Variants in RTL4 observed in about 807,000 individuals in gnomAD.
The protein encoded by RTL4 is retrotransposon Gag like 4.
A neutral mutation model predicts 5.3 loss-of-function variants in RTL4; 4 were observed. The ratio of observed to expected loss-of-function variants is 0.75; its 90% CI spans 0.37 to 1.72. The LOEUF (loss-of-function observed/expected upper bound fraction) is 1.72, where lower values mean the gene tolerates loss of function less well. Ranked by LOEUF, RTL4 falls within the 40% of genes most tolerant of loss-of-function variation. RTL4 has a pLI of 0.04. For synonymous variants in RTL4, 98 were observed against 87.3 expected, an observed-to-expected ratio of 1.12 and a Z score of -0.68; for missense variants, 260 against 227.1, an observed-to-expected ratio of 1.14 and a Z score of -0.93.
At chrX:112,177,820 A>G in the RTL4 span, among the ~76,000 whole-genome samples, 2 of 111,423 alleles carry the variant, frequency 1.8e-5, no homozygotes, top group East Asian at 5.6e-4. Flanking sequence ...CTATTTCCAC[A>G]AAGAGCCAGA....
chrX:112,383,448 A>T, the RTL4 span, among the ~76,000 whole-genome samples: 1 of 112,338 alleles, frequency 8.9e-6, no homozygotes, highest in East Asian at 2.8e-4. Flanking sequence ...ATTGGATTTA[A>T]AAAGGATTCT....
At chrX:112,124,633 A>G in the RTL4 span, among the ~76,000 whole-genome samples, 2 of 104,153 alleles carry the variant, frequency 1.9e-5, no homozygotes, top group Non-Finnish European at 3.9e-5. Context: ...ATGAGAACAC[A>G]TGGACACAGG....
At chrX:112,300,227 C>G in the RTL4 span, among the ~76,000 whole-genome samples, 4 of 111,705 alleles carry the variant, frequency 3.6e-5, no homozygotes, top group Non-Finnish European at 5.6e-5. Context: ...CACTTACATT[C>G]TACATTAAGC....
At chrX:112,114,260 C>T in the RTL4 span, among the ~76,000 whole-genome samples, 197 of 111,566 alleles carry the variant, frequency 1.8e-3, 1 homozygote, top group African/African-American at 5.8e-3. Context: ...ACTCCAGTCC[C>T]CATGATCTGA....
the RTL4 span, among the ~76,000 whole-genome samples, chrX:112,236,442 T>TAAAATA: frequency 3.8e-5 from 3 of 79,368 alleles, no homozygotes; most frequent in Admixed American, 1.4e-4. Context: ...TAGATCTATA[T>TAAAATA]CTATATATAG....
the RTL4 span, among the ~76,000 whole-genome samples, chrX:112,184,474 A>G: frequency 8.9e-6 from 1 of 112,602 alleles, no homozygotes; most frequent in Non-Finnish European, 1.9e-5. Flanking sequence ...AAGTACAAAG[A>G]TTTTAATCCA....
chrX:112,293,001 C>T, the RTL4 span, among the ~76,000 whole-genome samples: 18 of 111,923 alleles, frequency 1.6e-4, no homozygotes, highest in Non-Finnish European at 5.6e-5. Flanking sequence ...CTTCTGAAAG[C>T]TTCCATCCAA....
chrX:112,405,979 T>C, the RTL4 span, among the ~76,000 whole-genome samples: 1 of 110,667 alleles, frequency 9.0e-6, no homozygotes, highest in South Asian at 4.0e-4. Context: ...TATCGCAGAA[T>C]GAAAAACCAT....
chrX:112,282,153 A>G, the RTL4 span, among the ~76,000 whole-genome samples: 3 of 111,881 alleles, frequency 2.7e-5, no homozygotes, highest in Admixed American at 9.5e-5. Flanking sequence ...TTTTGACTTG[A>G]TTTTGTAGAT....
the RTL4 span, among the ~76,000 whole-genome samples, chrX:112,134,459 C>T: frequency 1.8e-5 from 2 of 112,367 alleles, no homozygotes; most frequent in African/African-American, 6.5e-5. Flanking sequence ...ATCATTCTTA[C>T]ACTCACTGGA....
At chrX:112,385,841 T>C in the RTL4 span, among the ~76,000 whole-genome samples, 7 of 112,118 alleles carry the variant, frequency 6.2e-5, no homozygotes, top group East Asian at 2.8e-4. Flanking sequence ...AATTTAAACA[T>C]TCCTTTTAAG....
the RTL4 span, among the ~76,000 whole-genome samples, chrX:112,321,741 G>A: frequency 9.8e-3 from 1,093 of 111,315 alleles, 12 homozygotes; most frequent in African/African-American, 0.033. Context: ...TGGAGAGATT[G>A]GTAAATTGCC....
At chrX:112,406,555 G>A in the RTL4 span, among the ~76,000 whole-genome samples, 1 of 111,036 alleles carries the variant, frequency 9.0e-6, no homozygotes, top group Admixed American at 9.5e-5. Flanking sequence ...CTCCCACCAT[G>A]CCCCCCCTCC....
chrX:112,184,753 C>T, the RTL4 span, among the ~76,000 whole-genome samples: 1 of 111,913 alleles, frequency 8.9e-6, no homozygotes, highest in Non-Finnish European at 1.9e-5. Context: ...AAGAATTCGT[C>T]AGAGATCTTG....
the RTL4 span, among the ~76,000 whole-genome samples, chrX:112,111,957 T>C: frequency 9.0e-6 from 1 of 111,244 alleles, no homozygotes; most frequent in Admixed American, 9.6e-5. Flanking sequence ...CCTCAAGGAG[T>C]AGTGCCTGGT....
chrX:112,257,068 T>C, the RTL4 span, among the ~76,000 whole-genome samples: 15 of 112,085 alleles, frequency 1.3e-4, no homozygotes, highest in Non-Finnish European at 2.3e-4. Context: ...TTCACTTTAA[T>C]GCAAATATTT....
chrX:112,192,060 C>CAGAG, the RTL4 span, among the ~76,000 whole-genome samples: 1 of 96,403 alleles, frequency 1.0e-5, no homozygotes, highest in Admixed American at 1.2e-4. Flanking sequence ...ATTGTTAGTG[C>CAGAG]AGAGAAATAC....
chrX:112,191,797 T>C, the RTL4 span, among the ~76,000 whole-genome samples: 1 of 111,920 alleles, frequency 8.9e-6, no homozygotes, highest in African/African-American at 3.2e-5. Flanking sequence ...TTGAATTGTC[T>C]TGATGCAAAC....
chrX:112,275,533 G>A, the RTL4 span, among the ~76,000 whole-genome samples: 1 of 111,952 alleles, frequency 8.9e-6, no homozygotes, highest in Non-Finnish European at 1.9e-5. Flanking sequence ...AACCTTATGC[G>A]AGTTACTTAA....
Sources: allele counts gnomAD v4.1 joint callset (sites outside exome capture counted in the v4.1 genomes callset), GRCh38; gene constraint gnomAD v4.1.1; transcripts MANE v1.5; gene names NCBI Gene and HGNC (gene_info 2026-07-23, HGNC 2026-07-21).